Variants in HNRNPF observed in about 807,000 individuals in gnomAD.
The protein encoded by HNRNPF is heterogeneous nuclear ribonucleoprotein F.
A neutral mutation model predicts 26.0 loss-of-function variants in HNRNPF; 2 were observed. The observed-to-expected ratio is 0.08, with a 90% confidence interval of 0.03 to 0.24. HNRNPF has a LOEUF of 0.24. Ranked by LOEUF, HNRNPF falls within the 10% of genes least tolerant of loss-of-function variation. HNRNPF has a pLI of 1.00. For synonymous variants in HNRNPF, 234 were observed against 211.5 expected, an observed-to-expected ratio of 1.11 and a Z score of -0.92; for missense variants, 299 against 539.2, an observed-to-expected ratio of 0.55 and a Z score of 4.41.
intron 3 of HNRNPF, among the ~76,000 whole-genome samples, 198 bp from the exon 4 acceptor site, chr10:43,388,134 G>A (rs1284183676): frequency 3.9e-5 from 6 of 152,068 alleles, no homozygotes; most frequent in Admixed American, 6.6e-5. Flanking sequence ...AAGACAGGAC[G>A]ATGCATGTGA....
intron 1 of HNRNPF, among the ~76,000 whole-genome samples, chr10:43,397,940 C>A (rs1838616293): frequency 6.6e-6 from 1 of 152,180 alleles, no homozygotes; most frequent in Non-Finnish European, 1.5e-5. Flanking sequence ...GTGCTATGAA[C>A]TAGTAATTTT....
At position 43,390,454 on chromosome 10, in the gene HNRNPF, C is replaced by T. The variant is rs78546949; in HGVS notation, c.-52-2518G>A. The stretch of plus-strand genomic sequence containing the variant: ...AATCCACTAACCATTTTCTCCTGGA[C>T]TCCTACCTCCAATGATTTCACCATT... On this transcript the variant is annotated intron_variant, in intron 3 of 3. Transcript: ENST00000682386. 8.4e-3 allele frequency among the ~76,000 whole-genome samples: 1,278 copies of T among 152,262 alleles called. 28 individuals carry two copies. The highest frequency in any genetic ancestry group is 0.041 in the Admixed American group (626 of 15,292).
At chr10:43,403,312 G>GT (rs1173487768) in intron 1 of HNRNPF, among the ~76,000 whole-genome samples, 1 of 152,152 alleles carries the variant, frequency 6.6e-6, no homozygotes, top group Non-Finnish European at 1.5e-5. Context: ...CGCCCAGCCT[G>GT]TGTCATTTTC....
chr10:43,396,891 A>C (rs1383388880), intron 1 of HNRNPF: 1 of 4,906 alleles, frequency 2.0e-4, no homozygotes. Flanking sequence ...GCCTCGCGGG[A>C]GGGGGAGGGG....
At chr10:43,400,805 G>C (rs1588998222) in intron 1 of HNRNPF, among the ~76,000 whole-genome samples, 1 of 152,276 alleles carries the variant, frequency 6.6e-6, no homozygotes, top group East Asian at 1.9e-4. Context: ...AGCTATTAAG[G>C]ACTGAGAAGT....
chr10:43,407,501 G>A (rs1838963892), intron 1 of HNRNPF, among the ~76,000 whole-genome samples: 1 of 152,072 alleles, frequency 6.6e-6, no homozygotes, highest in Admixed American at 6.5e-5. Flanking sequence ...GGGCGAGTCG[G>A]GTGCCTTGCT....
At chr10:43,396,309 A>T (rs1191761310) in intron 2 of HNRNPF, 147 bp downstream of exon 2, 2 of 151,770 alleles carry the variant, frequency 1.3e-5, no homozygotes, top group Non-Finnish European at 2.9e-5. Flanking sequence ...TCCTAGACAC[A>T]CTCCCGTGCC....
At chr10:43,391,191 G>A (rs1838229334) in intron 3 of HNRNPF, among the ~76,000 whole-genome samples, 1 of 152,036 alleles carries the variant, frequency 6.6e-6, no homozygotes, top group African/African-American at 2.4e-5. Flanking sequence ...TACTTGGGAG[G>A]CTGAGGCAGG....
rs115217162 is a variant in HNRNPF at position 43,390,402 on chromosome 10, C to T, written c.-52-2466G>A. 5.4e-3 allele frequency among the ~76,000 whole-genome samples: 821 copies of T among 152,268 alleles called. 8 individuals are homozygous for T. Among genetic ancestry groups the T allele is most frequent in the African/African-American group, 0.018 (765 of 41,530 alleles). On this transcript the variant is annotated intron_variant, in intron 3 of 3. Transcript: ENST00000682386. ...TGTTCCTAGCCTTAGGTCCAGCCATCGTTCCGGGTAGGGGAGATGAAGCCA... is the reference window on the plus strand; with the variant it reads ...TGTTCCTAGCCTTAGGTCCAGCCATTGTTCCGGGTAGGGGAGATGAAGCCA...
At chr10:43,397,426 G>C (rs1036770175) in intron 1 of HNRNPF, 7 of 152,362 alleles carry the variant, frequency 4.6e-5, no homozygotes, top group African/African-American at 1.7e-4. Flanking sequence ...GCGGCGGGAA[G>C]ACATTTCTCC....
intron 3 of HNRNPF, among the ~76,000 whole-genome samples, chr10:43,388,298 C>T (rs1012693285): frequency 1.2e-4 from 18 of 152,188 alleles, no homozygotes; most frequent in African/African-American, 4.3e-4. Context: ...ATACGCCTTA[C>T]ATTTGGTAAA....
chr10:43,388,567 G>C (rs924592889), intron 3 of HNRNPF, among the ~76,000 whole-genome samples: 2 of 152,194 alleles, frequency 1.3e-5, no homozygotes, highest in African/African-American at 4.8e-5. Flanking sequence ...GACATATACA[G>C]ACAAGCAGAC....
intron 1 of HNRNPF, among the ~76,000 whole-genome samples, chr10:43,399,749 AGACT>A (rs911497697): frequency 3.3e-5 from 5 of 152,346 alleles, no homozygotes; most frequent in Middle Eastern, 6.8e-3. Flanking sequence ...CTGAGTCTGG[AGACT>A]GACTGACTCA....
Position 43,387,775 on chromosome 10 carries a change from T to G in HNRNPF, c.110A>C (p.His37Pro), listed in dbSNP as rs1259780901. Residue 37 changes from histidine (H) to proline (P), a missense_variant, in exon 4 of 4, where the codon CAT (histidine) becomes CCT (proline). By Grantham distance (77) the His-to-Pro change is moderately conservative. Around this residue, in one of 6 missense-constraint regions of HNRNPF, gnomAD observed 104 missense variants for 239.0 expected, o/e 0.44. Transcript: ENST00000682386. The surrounding 1 kb of genome is among the most constrained non-coding windows in gnomAD (Gnocchi z 6.0). ...GAAATGGACACCTGCGGCCCCATCATGAATCGTGCAGTCAGAGAGGAAGTT... is the reference window on the plus strand; with the variant it reads ...GAAATGGACACCTGCGGCCCCATCAGGAATCGTGCAGTCAGAGAGGAAGTT... ...VQNFLSDCTIHDGAAGVHFIY... is the reference protein window; with the variant it reads ...VQNFLSDCTIPDGAAGVHFIY... 1 of 1,613,586 alleles carries G rather than the reference T, an allele frequency of 6.2e-7. No homozygotes were observed. Among genetic ancestry groups the G allele is most frequent in the African/African-American group, 1.3e-5 (1 of 74,736 alleles).
Position 43,385,993 on chromosome 10 carries a change from ATCTTTTGCTG to A in HNRNPF, c.*634_*643del, listed in dbSNP as rs1366004036. On this transcript the variant is annotated 3_prime_UTR_variant, in exon 4 of 4. Transcript: ENST00000682386. The stretch of plus-strand genomic sequence containing the variant: ...ATTATCTTCAACCACCCGTTTTGCT[ATCTTTTGCTG>A]AGTAATCTGTGCCAGTCATTGTGAA... 6.6e-6 allele frequency: 1 copy of A among 152,666 alleles called. No homozygotes were observed. Among genetic ancestry groups the A allele is most frequent in the Non-Finnish European group, 1.5e-5 (1 of 68,044 alleles). 9.5% of individuals were successfully genotyped at this position (152,666 alleles called of 1,614,324 possible). A position where few individuals can be genotyped will look rare whatever the true frequency, so the allele number is the denominator to read the frequency against.
rs772316006 is a variant in HNRNPF at position 43,387,682 on chromosome 10, T to G, written c.203A>C (p.Lys68Thr). The change falls in exon 4 of 4, where the codon AAA (lysine) becomes ACA (threonine). Residue 68 changes from lysine to threonine, a missense_variant. Coordinates refer to ENST00000682386, the MANE Select transcript of HNRNPF (RefSeq NM_001098204.2). This position sits in a 1 kb window ranked among gnomAD's most constrained non-coding sequence, Gnocchi z 6.0. ...TTCCCTGTCTTTTTTCAGGGCCATT[T>G]TTACATCATCTTCTGATCCAAGTTC... ...FVELGSEDDV[K>T]MALKKDRESM... 6.8e-6 allele frequency: 11 copies of G among 1,613,990 alleles called. No individual in the cohort carries two copies. Among genetic ancestry groups the G allele is most frequent in the Non-Finnish European group, 9.3e-6 (11 of 1,180,036 alleles).
chr10:43,397,604 G>A (rs1402643769), intron 1 of HNRNPF, among the ~76,000 whole-genome samples: 4 of 152,074 alleles, frequency 2.6e-5, no homozygotes, highest in Non-Finnish European at 5.9e-5. Flanking sequence ...ACCTTGGTTT[G>A]TACATTTGAC....
At chr10:43,397,074 G>A (rs1485075440) in intron 1 of HNRNPF, 4 of 152,082 alleles carry the variant, frequency 2.6e-5, no homozygotes, top group African/African-American at 4.8e-5. Flanking sequence ...GAAGGGAAGA[G>A]GCGCTCGTAG....
At chr10:43,392,023 T>A (rs113105142) in intron 3 of HNRNPF, among the ~76,000 whole-genome samples, 33 of 152,190 alleles carry the variant, frequency 2.2e-4, no homozygotes, top group African/African-American at 6.3e-4. Flanking sequence ...GGAGGGTGGA[T>A]AACCGGAGCC....
Sources: gnomAD v4.1 joint callset for allele counts (sites outside exome capture counted in the v4.1 genomes callset) on GRCh38, gnomAD v4.1.1 for gene constraint, gnomAD v4.1.1 regional missense constraint, Gnocchi (gnomAD v3.1) non-coding constraint, MANE v1.5 for transcripts, NCBI Gene and HGNC (gene_info 2026-07-23, HGNC 2026-07-21) for gene names.